CFAP299: variants seen among roughly 807,000 people sequenced by gnomAD.
CFAP299 encodes cilia and flagella associated protein 299.
A neutral mutation model predicts 27.0 loss-of-function variants in CFAP299; 21 were observed. The observed-to-expected ratio is 0.78, with a 90% CI of 0.55 to 1.12. CFAP299 has a LOEUF of 1.12. Among genes scored for constraint, CFAP299 ranks in the 50% most tolerant of loss-of-function variants. CFAP299 has a pLI of 0.00. For synonymous variants in CFAP299, 104 were observed against 98.1 expected, an observed-to-expected ratio of 1.06 and a Z score of -0.36; for missense variants, 310 against 276.6, an observed-to-expected ratio of 1.12 and a Z score of -0.86.
At chr4:80,622,047 G>C (rs1738633230) in intron 3 of CFAP299, among the ~76,000 whole-genome samples, 1 of 152,156 alleles carries the variant, frequency 6.6e-6, no homozygotes, top group African/African-American at 2.4e-5. Flanking sequence ...TGAGATTATA[G>C]TTGGGGTCAG....
At chr4:80,703,548 C>G (rs1452480986) in intron 3 of CFAP299, among the ~76,000 whole-genome samples, 1 of 151,392 alleles carries the variant, frequency 6.6e-6, no homozygotes, top group East Asian at 1.9e-4. Flanking sequence ...ACCCATTTTC[C>G]TGAATTTAAA....
intron 3 of CFAP299, among the ~76,000 whole-genome samples, chr4:80,689,288 G>C (rs1415988840): frequency 2.6e-5 from 4 of 151,826 alleles, no homozygotes; most frequent in African/African-American, 7.3e-5. Context: ...AGGGCAGCCA[G>C]AGAGAAAGGT....
At chr4:80,861,287 G>A (rs907831780) in intron 3 of CFAP299, among the ~76,000 whole-genome samples, 1 of 152,132 alleles carries the variant, frequency 6.6e-6, no homozygotes, top group Non-Finnish European at 1.5e-5. Context: ...GGGTGGGAGT[G>A]ACCCGATTTT....
intron 3 of CFAP299, among the ~76,000 whole-genome samples, chr4:80,616,478 A>G (rs1738288179): frequency 6.6e-6 from 1 of 151,962 alleles, no homozygotes; most frequent in Non-Finnish European, 1.5e-5. Context: ...AAAGGGCTGT[A>G]GAGATCATCT....
At chr4:80,731,966 T>G (rs1273605321) in intron 3 of CFAP299, among the ~76,000 whole-genome samples, 1 of 152,136 alleles carries the variant, frequency 6.6e-6, no homozygotes, top group Admixed American at 6.6e-5. Flanking sequence ...AATTGCCTGT[T>G]ACTAAAAGCA....
intron 5 of CFAP299, among the ~76,000 whole-genome samples, chr4:80,953,832 T>A (rs745907767): frequency 3.3e-5 from 5 of 152,192 alleles, no homozygotes; most frequent in Non-Finnish European, 5.9e-5. Flanking sequence ...CTCCATCATC[T>A]GAGCTGAACA....
chr4:80,378,021 G>A (rs893253897), intron 2 of CFAP299, among the ~76,000 whole-genome samples: 7 of 152,086 alleles, frequency 4.6e-5, no homozygotes, highest in Non-Finnish European at 4.4e-5. Flanking sequence ...GGAAAGATTG[G>A]TCCCCATGAT....
intron 2 of CFAP299, among the ~76,000 whole-genome samples, chr4:80,517,580 C>T (rs1191237974): frequency 6.6e-6 from 1 of 152,044 alleles, no homozygotes; most frequent in East Asian, 1.9e-4. Flanking sequence ...ACGATGTAGC[C>T]AGAGATTTGA....
intron 1 of CFAP299, among the ~76,000 whole-genome samples, chr4:80,354,759 A>G (rs1357633456): frequency 1.1e-4 from 17 of 152,122 alleles, no homozygotes; most frequent in Admixed American, 1.0e-3. Flanking sequence ...ACTTGTAAGT[A>G]ATAACATGTG....
chr4:80,814,106 T>A (rs537761234), intron 3 of CFAP299, among the ~76,000 whole-genome samples: 1 of 151,218 alleles, frequency 6.6e-6, no homozygotes, highest in Non-Finnish European at 1.5e-5. Flanking sequence ...ATTTTTCTTC[T>A]TATGTCCTCC....
intron 3 of CFAP299, among the ~76,000 whole-genome samples, chr4:80,853,927 A>G (rs903881820): frequency 6.6e-5 from 10 of 152,220 alleles, no homozygotes; most frequent in African/African-American, 2.4e-4. Flanking sequence ...AGAGAAAAGA[A>G]TATATACACT....
At chr4:80,801,290 A>G (rs931491258) in intron 3 of CFAP299, among the ~76,000 whole-genome samples, 2 of 151,876 alleles carry the variant, frequency 1.3e-5, no homozygotes, top group Admixed American at 6.6e-5. Context: ...TTCTACCTGC[A>G]AGGGGTTATC....
At position 80,553,001 on chromosome 4, in the gene CFAP299, T is replaced by A. The variant is rs374985780; in HGVS notation, c.243-30092T>A. On this transcript the variant is annotated intron_variant, in intron 2 of 5. Coordinates refer to ENST00000358105, the MANE Select transcript of CFAP299 (RefSeq NM_152770.3). Reference sequence around the variant, plus strand: ...CTGCACATAGCCAATAGGTTTATTTTTTTTTTTTAAAGTTTTATTTTAGAT... The same window carrying A: ...CTGCACATAGCCAATAGGTTTATTTATTTTTTTTAAAGTTTTATTTTAGAT... Among the ~76,000 whole-genome samples the A allele has an allele frequency of 1.3e-3, 204 of 152,278 alleles. No homozygotes were observed. The South Asian group carries it at 0.018, about 14-fold the overall frequency.
intron 2 of CFAP299, among the ~76,000 whole-genome samples, chr4:80,478,238 T>C (rs964450921): frequency 2.0e-5 from 3 of 152,152 alleles, no homozygotes; most frequent in Non-Finnish European, 2.9e-5. Flanking sequence ...ATGTCCACTA[T>C]TTTCCATTTA....
At chr4:80,612,407 T>G (rs1738031637) in intron 3 of CFAP299, among the ~76,000 whole-genome samples, 1 of 152,094 alleles carries the variant, frequency 6.6e-6, no homozygotes, top group African/African-American at 2.4e-5. Flanking sequence ...TCATTAGAGT[T>G]TTTTTCTATC....
chr4:80,512,502 T>C (rs939828134), intron 2 of CFAP299, among the ~76,000 whole-genome samples: 4 of 152,114 alleles, frequency 2.6e-5, no homozygotes, highest in Admixed American at 6.6e-5. Context: ...GAAGATGTGG[T>C]CATCAGGGCT....
chr4:80,847,257 C>T (rs988128649), intron 3 of CFAP299, among the ~76,000 whole-genome samples: 2 of 152,178 alleles, frequency 1.3e-5, no homozygotes, highest in African/African-American at 4.8e-5. Flanking sequence ...CAGGCTCTGG[C>T]CCCAGTGGGA....
intron 1 of CFAP299, among the ~76,000 whole-genome samples, chr4:80,360,980 G>T (rs1274427065): frequency 6.6e-6 from 1 of 152,186 alleles, no homozygotes; most frequent in Non-Finnish European, 1.5e-5. Flanking sequence ...GCAAGGCTCA[G>T]ATTCCTCAGA....
At chr4:80,585,033 CAG>C (rs962084075) in intron 3 of CFAP299, among the ~76,000 whole-genome samples, 16 of 151,996 alleles carry the variant, frequency 1.1e-4, no homozygotes, top group Non-Finnish European at 1.9e-4. Context: ...GATTTTCAGA[CAG>C]AAAACATCAG....
Sources: gnomAD v4.1 joint callset for allele counts (sites outside exome capture counted in the v4.1 genomes callset) on GRCh38, gnomAD v4.1.1 for gene constraint, MANE v1.5 for transcripts, NCBI Gene and HGNC (gene_info 2026-07-23, HGNC 2026-07-21) for gene names.